The following CWC27 variants were observed in gnomAD, a reference collection of about 807,000 sequenced individuals.
CWC27 encodes the protein spliceosome-associated protein CWC27 homolog.
A neutral mutation model predicts 63.6 loss-of-function variants in CWC27; 47 were observed. The ratio of observed to expected loss-of-function variants is 0.74; its 90% CI spans 0.58 to 0.94. The LOEUF (loss-of-function observed/expected upper bound fraction) is 0.94. Ranked by LOEUF, CWC27 falls within the 40% of genes least tolerant of loss-of-function variation. The pLI is 0.00. For synonymous variants in CWC27, 175 were observed against 179.8 expected, an observed-to-expected ratio of 0.97 and a Z score of 0.22; for missense variants, 495 against 554.3, an observed-to-expected ratio of 0.89 and a Z score of 1.07.
intron 11 of CWC27, among the ~76,000 whole-genome samples, chr5:64,959,929 A>G (rs1393766004): frequency 2.0e-5 from 3 of 152,352 alleles, no homozygotes; most frequent in Non-Finnish European, 4.4e-5. Flanking sequence ...CAGTTATGAT[A>G]CGGTGTGCTT....
At chr5:64,777,050 T>C (rs895714225) in intron 2 of CWC27, among the ~76,000 whole-genome samples, 1 of 152,086 alleles carries the variant, frequency 6.6e-6, no homozygotes, top group East Asian at 1.9e-4. Context: ...AAGGGAAGCT[T>C]ATTAGCTTTG....
chr5:64,808,139 A>C lies in CWC27; in HGVS notation c.938+3753A>C. 2 of 1,059,560 alleles carry C rather than the reference A, an allele frequency of 1.9e-6. 1 individual carries two copies. Among genetic ancestry groups the C allele is most frequent in the Non-Finnish European group, 2.3e-6 (2 of 874,174 alleles). The allele number at this position is 1,059,560 out of a possible 1,614,324, so 65.6% of individuals were successfully genotyped here. On this transcript the variant is annotated intron_variant, in intron 10 of 13. Coordinates refer to ENST00000381070, the MANE Select transcript of CWC27 (RefSeq NM_005869.4). ...TTAGTATCACTTGGGAACTTGTTAGAAATACCGAGTCTCAGGCCCTGTCCT... is the reference window on the plus strand; with the variant it reads ...TTAGTATCACTTGGGAACTTGTTAGCAATACCGAGTCTCAGGCCCTGTCCT...
chr5:64,921,400 T>G (rs1031119752), intron 11 of CWC27, among the ~76,000 whole-genome samples: 9 of 152,130 alleles, frequency 5.9e-5, no homozygotes, highest in Admixed American at 4.6e-4. Flanking sequence ...GAGAAGAATG[T>G]ATATTCTGGT....
intron 10 of CWC27, among the ~76,000 whole-genome samples, chr5:64,861,189 T>G (rs1746404439): frequency 6.6e-6 from 1 of 152,162 alleles, no homozygotes; most frequent in Admixed American, 6.5e-5. Flanking sequence ...TGGTCTCGGT[T>G]TCTAAGAAGA....
At chr5:64,966,946 T>C (rs1006160929) in intron 11 of CWC27, among the ~76,000 whole-genome samples, 1 of 152,126 alleles carries the variant, frequency 6.6e-6, no homozygotes, top group African/African-American at 2.4e-5. Flanking sequence ...AAGTTGTTCA[T>C]TGGTTTGTTC....
intron 11 of CWC27, among the ~76,000 whole-genome samples, chr5:64,917,623 A>G (rs569579875): frequency 1.6e-4 from 24 of 149,354 alleles, no homozygotes; most frequent in African/African-American, 5.9e-4. Flanking sequence ...CCCTCATCCA[A>G]TCAATTGAGG....
At chr5:64,774,214 G>A (rs1487453693) in intron 1 of CWC27, among the ~76,000 whole-genome samples, 3 of 152,108 alleles carry the variant, frequency 2.0e-5, no homozygotes, top group Non-Finnish European at 4.4e-5. Context: ...GGAATATAGT[G>A]GCATGATCAT....
At chr5:64,875,674 A>G (rs1216050908) in intron 10 of CWC27, among the ~76,000 whole-genome samples, 2 of 152,164 alleles carry the variant, frequency 1.3e-5, no homozygotes, top group Non-Finnish European at 2.9e-5. Context: ...CTTGCATAGC[A>G]TATATTTAAT....
intron 10 of CWC27, among the ~76,000 whole-genome samples, chr5:64,883,770 A>G (rs1747001512): frequency 6.6e-6 from 1 of 152,226 alleles, no homozygotes; most frequent in South Asian, 2.1e-4. Context: ...CTATTCTTTC[A>G]AGAATGGAGT....
chr5:64,974,227 G>A (rs2112444553), intron 12 of CWC27, among the ~76,000 whole-genome samples: 1 of 151,844 alleles, frequency 6.6e-6, no homozygotes, highest in East Asian at 1.9e-4. Context: ...GACAGAGTGA[G>A]ACTCTATCTC....
At chr5:64,949,651 T>G (rs1411473285) in intron 11 of CWC27, among the ~76,000 whole-genome samples, 5 of 152,058 alleles carry the variant, frequency 3.3e-5, no homozygotes, top group Non-Finnish European at 5.9e-5. Context: ...CCTGCCACAC[T>G]AAGCTCATCT....
At position 64,882,742 on chromosome 5, in the gene CWC27, C is replaced by G. The variant is rs1368064579; in HGVS notation, c.939-2701C>G. Reference sequence around the variant, plus strand: ...CCGAATAGCTGGGAGTACAGGTGCCCGCCACCCCGCCTGGCCAATGTTTTG... The same window carrying G: ...CCGAATAGCTGGGAGTACAGGTGCCGGCCACCCCGCCTGGCCAATGTTTTG... On this transcript the variant is annotated intron_variant, in intron 10 of 13. Transcript: ENST00000381070. 2.0e-5 allele frequency among the ~76,000 whole-genome samples: 3 copies of G among 152,044 alleles called. No individual in the cohort carries two copies. In the East Asian group the frequency reaches 5.8e-4, roughly 30 times the overall value.
At chr5:64,842,225 C>T (rs1354879975) in intron 10 of CWC27, among the ~76,000 whole-genome samples, 1 of 152,178 alleles carries the variant, frequency 6.6e-6, no homozygotes, top group Non-Finnish European at 1.5e-5. Flanking sequence ...TTGCTTACCC[C>T]TGGTTTACAA....
chr5:64,973,174 C>T (rs1481282537), intron 12 of CWC27, among the ~76,000 whole-genome samples: 1 of 152,026 alleles, frequency 6.6e-6, no homozygotes, highest in East Asian at 1.9e-4. Flanking sequence ...AAAGATGAGG[C>T]TGAAGAGGTA....
chr5:64,830,451 G>A (rs553434059), intron 10 of CWC27, among the ~76,000 whole-genome samples: 4 of 152,176 alleles, frequency 2.6e-5, no homozygotes, highest in East Asian at 3.9e-4. Flanking sequence ...AGACTTAAAT[G>A]TTAGACCTAA....
At chr5:64,808,882 T>C (rs1007254715) in intron 10 of CWC27, among the ~76,000 whole-genome samples, 2 of 152,204 alleles carry the variant, frequency 1.3e-5, no homozygotes, top group Non-Finnish European at 2.9e-5. Context: ...AATTGTCTGG[T>C]CTGAGGTAAA....
chr5:64,793,072 G>C (rs906753160), intron 7 of CWC27, among the ~76,000 whole-genome samples: 1 of 152,062 alleles, frequency 6.6e-6, no homozygotes, highest in Non-Finnish European at 1.5e-5. Context: ...CCATTATGTA[G>C]AATCTTATGC....
chr5:64,905,469 C>T (rs1229271300), intron 11 of CWC27, among the ~76,000 whole-genome samples: 2 of 152,052 alleles, frequency 1.3e-5, no homozygotes, highest in Admixed American at 6.6e-5. Context: ...AGGGAGAAAG[C>T]GTCTGAACTT....
chr5:64,921,836 T>A (rs904565955), intron 11 of CWC27, among the ~76,000 whole-genome samples: 1 of 152,246 alleles, frequency 6.6e-6, no homozygotes, highest in Non-Finnish European at 1.5e-5. Flanking sequence ...TTGGGACCTC[T>A]TGTAAGGCAG....
Sources: allele counts gnomAD v4.1 joint callset (sites outside exome capture counted in the v4.1 genomes callset), GRCh38; gene constraint gnomAD v4.1.1; transcripts MANE v1.5; gene names NCBI Gene and HGNC (gene_info 2026-07-23, HGNC 2026-07-21).